PTPRC: variants seen among roughly 807,000 people sequenced by gnomAD.
PTPRC encodes the protein receptor-type tyrosine-protein phosphatase C.
PTPRC carries 44 observed loss-of-function variants against 155.9 expected under a neutral mutation model. The ratio of observed to expected loss-of-function variants is 0.28; its 90% CI spans 0.22 to 0.36. PTPRC has a LOEUF of 0.36. Among genes scored for constraint, PTPRC ranks in the 10% least tolerant of loss-of-function variants. The pLI, the probability that PTPRC is intolerant of heterozygous loss-of-function variation, is 1.00. For missense variants in PTPRC, 1,401 were observed against 1,564.6 expected, an observed-to-expected ratio of 0.90 and a Z score of 1.76; for synonymous variants, 525 against 533.1, an observed-to-expected ratio of 0.98 and a Z score of 0.21.
Position 198,731,706 on chromosome 1 carries a change from C to G in PTPRC, c.1954C>G (p.Leu652Val). Residue 652 changes from leucine (L) to valine (V), a missense_variant, in exon 18 of 33, where the codon CTT becomes GTT. Physicochemically the swap from Leu to Val is conservative, Grantham distance 32. This residue lies in a region of PTPRC where 867 missense variants were observed against 970.4 expected (regional missense o/e 0.89). Coordinates refer to ENST00000442510, the MANE Select transcript of PTPRC (RefSeq NM_002838.5). ...YKRKIADEGR[L>V]FLAEFQSIPR... ...GAGGAAGATTGCTGATGAAGGAAGACTTTTTCTGGCTGAATTTCAGGTGTG... is the reference window on the plus strand; with the variant it reads ...GAGGAAGATTGCTGATGAAGGAAGAGTTTTTCTGGCTGAATTTCAGGTGTG... The G allele has an allele frequency of 6.2e-7, 1 of 1,605,526 alleles. No homozygotes were observed. Among genetic ancestry groups the G allele is most frequent in the Non-Finnish European group, 8.5e-7 (1 of 1,172,724 alleles).
In PTPRC at chr1:198,756,788, A is replaced by G. The variant is rs1655697557; in HGVS notation, c.*607A>G. ...GTTGTTAACTAAATTAACATTGGGA[A>G]ATCTTATATTCCATATATTAGCATT... is the stretch of plus-strand genomic sequence containing the variant. On this transcript the variant is annotated 3_prime_UTR_variant, in exon 33 of 33. Transcript: ENST00000442510. 1 of 152,008 alleles carries G rather than the reference A, an allele frequency of 6.6e-6. No homozygotes were observed. Among genetic ancestry groups the G allele is most frequent in the South Asian group, 2.1e-4 (1 of 4,828 alleles). 9.4% of individuals were successfully genotyped at this position (152,008 alleles called of 1,614,324 possible). A position where few individuals can be genotyped will look rare whatever the true frequency, so the allele number is the denominator to read the frequency against.
intron 15 of PTPRC, among the ~76,000 whole-genome samples, 160 bp from the exon 16 acceptor site, chr1:198,728,180 G>A (rs760479624): frequency 6.6e-6 from 1 of 152,008 alleles, no homozygotes; most frequent in Non-Finnish European, 1.5e-5. Flanking sequence ...CACAGAATTA[G>A]AAATTTATTG....
At chr1:198,674,042 A>G (rs751623643) in intron 2 of PTPRC, among the ~76,000 whole-genome samples, 60 of 152,324 alleles carry the variant, frequency 3.9e-4, no homozygotes, top group Non-Finnish European at 8.8e-5. Flanking sequence ...CAGCAGTCAA[A>G]AAGTTTTCCA....
chr1:198,749,654 G>T, intron 28 of PTPRC, 105 bp downstream of exon 28: 2 of 1,102,178 alleles, frequency 1.8e-6, no homozygotes, highest in Admixed American at 1.9e-5. Context: ...AATGAGCTTG[G>T]TCATAACTAC....
At chr1:198,698,950 G>A (rs560730900) in intron 4 of PTPRC, among the ~76,000 whole-genome samples, 1 of 152,062 alleles carries the variant, frequency 6.6e-6, no homozygotes, top group Non-Finnish European at 1.5e-5. Context: ...GCAAGAGACC[G>A]TGTATGTAAG....
intron 2 of PTPRC, among the ~76,000 whole-genome samples, chr1:198,676,167 G>A (rs1003204821): frequency 1.6e-4 from 25 of 152,150 alleles, no homozygotes; most frequent in African/African-American, 4.8e-4. Flanking sequence ...GTATTAATGC[G>A]CTGTATGAAT....
At chr1:198,675,728 A>G (rs1337690435) in intron 2 of PTPRC, among the ~76,000 whole-genome samples, 3 of 152,222 alleles carry the variant, frequency 2.0e-5, no homozygotes, top group African/African-American at 7.2e-5. Context: ...ACTTGAGAAC[A>G]TAAAGTCAAC....
intron 2 of PTPRC, among the ~76,000 whole-genome samples, chr1:198,646,519 T>A (rs1164608482): frequency 6.6e-6 from 1 of 151,894 alleles, no homozygotes; most frequent in Non-Finnish European, 1.5e-5. Flanking sequence ...ATATAATTTA[T>A]GTAATTTTTC....
At chr1:198,699,526 G>T (rs1265986797) in intron 4 of PTPRC, 38 bp from the exon 5 acceptor site, 1 of 1,613,282 alleles carries the variant, frequency 6.2e-7, no homozygotes, top group South Asian at 1.1e-5. Context: ...TCTCCAGTGG[G>T]GGAAGACTGA....
chr1:198,729,955 C>T (rs1654314145), intron 17 of PTPRC, among the ~76,000 whole-genome samples: 1 of 152,014 alleles, frequency 6.6e-6, no homozygotes, highest in Admixed American at 6.6e-5. Context: ...CTCCTCAAGT[C>T]CCTGCCAGGG....
At chr1:198,727,047 G>C (rs1209292839) in intron 15 of PTPRC, among the ~76,000 whole-genome samples, 1 of 151,842 alleles carries the variant, frequency 6.6e-6, no homozygotes, top group East Asian at 1.9e-4. Context: ...ATTTAGTAGA[G>C]ATGAGGTTTC....
chr1:198,679,233 CTT>C (rs1245277728), intron 2 of PTPRC: 43 of 135,226 alleles, frequency 3.2e-4, no homozygotes, highest in South Asian at 9.1e-4. Flanking sequence ...CGAGCTCGTA[CTT>C]TTTTTTTTTT....
chr1:198,734,193 T>C lies in PTPRC; in HGVS notation c.2143-3T>C, dbSNP rs1048741691. 2 of 1,609,754 alleles carry C rather than the reference T, an allele frequency of 1.2e-6. No homozygotes were observed. The highest frequency in any genetic ancestry group is 1.7e-5 in the Admixed American group (1 of 59,698). On this transcript the variant is annotated splice_region_variant and splice_polypyrimidine_tract_variant and intron_variant, in intron 20 of 32. Transcript: ENST00000442510. ...GACATATCTCTGCATGTGTTTTCAA[T>C]AGGGTTTCAAAGAACCCAGGAAATA...
chr1:198,735,846 G>A (rs1213612212), intron 23 of PTPRC, among the ~76,000 whole-genome samples: 2 of 151,480 alleles, frequency 1.3e-5, no homozygotes, highest in Non-Finnish European at 3.0e-5. Flanking sequence ...GAGCTGAGGA[G>A]GTCAAACAGA....
chr1:198,697,043 C>A, intron 4 of PTPRC, 134 bp downstream of exon 4: 1 of 861,646 alleles, frequency 1.2e-6, no homozygotes. Context: ...GCAGAAATTG[C>A]AGGAAATTAG....
chr1:198,734,297 TC>T, intron 21 of PTPRC, 30 bp from the exon 22 acceptor site: 1 of 1,610,146 alleles, frequency 6.2e-7, no homozygotes, highest in Non-Finnish European at 8.5e-7. Flanking sequence ...AGAAAATTTT[TC>T]TTATCAGCTT....
At chr1:198,704,684 T>C (rs773862816) in intron 8 of PTPRC, among the ~76,000 whole-genome samples, 186 bp downstream of exon 8, 6 of 152,150 alleles carry the variant, frequency 3.9e-5, no homozygotes, top group African/African-American at 4.8e-5. Context: ...TTGGGAATGA[T>C]AGACACTGGG....
intron 3 of PTPRC, chr1:198,694,767 C>T: frequency 1.1e-6 from 1 of 947,860 alleles, no homozygotes; most frequent in Non-Finnish European, 1.3e-6. Flanking sequence ...TCTCCCACCC[C>T]CTTTTCTTTT....
chr1:198,727,113 G>A (rs976782163), intron 15 of PTPRC, among the ~76,000 whole-genome samples: 4 of 151,926 alleles, frequency 2.6e-5, no homozygotes, highest in Admixed American at 6.6e-5. Context: ...CACACGCCTC[G>A]GCCTCCCAAA....
Sources: gnomAD v4.1 joint callset for allele counts (sites outside exome capture counted in the v4.1 genomes callset) on GRCh38, gnomAD v4.1.1 for gene constraint, gnomAD v4.1.1 regional missense constraint, MANE v1.5 for transcripts, NCBI Gene and HGNC (gene_info 2026-07-23, HGNC 2026-07-21) for gene names.